Variants in KAZN observed in about 807,000 individuals in gnomAD.
The protein encoded by KAZN is kazrin, periplakin interacting protein, also known as kazrin.
A neutral mutation model predicts 87.4 loss-of-function variants in KAZN; 40 were observed. The observed-to-expected ratio is 0.46, with a 90% CI of 0.36 to 0.60. KAZN has a LOEUF of 0.60. Ranked by LOEUF, KAZN falls within the 20% of genes least tolerant of loss-of-function variation. The pLI is 0.00. For missense variants in KAZN, 898 were observed against 1,073.9 expected (o/e 0.84, Z 2.29); for synonymous variants, 466 against 458.3 (o/e 1.02, Z -0.22).
At chr1:14,587,572 A>G (rs991985343) in intron 2 of KAZN, among the ~76,000 whole-genome samples, 3 of 152,056 alleles carry the variant, frequency 2.0e-5, no homozygotes, top group African/African-American at 7.2e-5. Flanking sequence ...GGGAGCAGGC[A>G]TGTCATATGG....
At chr1:14,841,135 C>T (rs767145375) in intron 1 of KAZN, among the ~76,000 whole-genome samples, 3 of 152,038 alleles carry the variant, frequency 2.0e-5, no homozygotes, top group South Asian at 2.1e-4. Flanking sequence ...GAGCCATAAG[C>T]GGCCGGGTGT....
chr1:14,806,202 C>G (rs1200771102), intron 1 of KAZN, among the ~76,000 whole-genome samples: 1 of 152,162 alleles, frequency 6.6e-6, no homozygotes, highest in African/African-American at 2.4e-5. Flanking sequence ...CAATCTCCCC[C>G]AGGTACTCAG....
At chr1:14,897,737 T>C (rs950123381) in intron 1 of KAZN, among the ~76,000 whole-genome samples, 1 of 152,176 alleles carries the variant, frequency 6.6e-6, no homozygotes, top group South Asian at 2.1e-4. Context: ...AATCTGGCCG[T>C]TGTGATATGT....
chr1:14,412,253 A>G (rs891946291), intron 2 of KAZN, among the ~76,000 whole-genome samples: 4 of 152,250 alleles, frequency 2.6e-5, no homozygotes, highest in Non-Finnish European at 5.9e-5. Context: ...CCCACTGTTT[A>G]AAACACAGAA....
intron 2 of KAZN, among the ~76,000 whole-genome samples, chr1:14,467,944 A>G (rs1208598423): frequency 6.6e-6 from 1 of 152,162 alleles, no homozygotes. Flanking sequence ...CACCTGAGCT[A>G]GTTTCCAGGC....
chr1:14,483,336 GC>G (rs1669182806), intron 2 of KAZN, among the ~76,000 whole-genome samples: 2 of 152,238 alleles, frequency 1.3e-5, no homozygotes, highest in South Asian at 4.2e-4. Context: ...TCAGAGGGGA[GC>G]AAAAACATCA....
chr1:14,482,460 T>A (rs9429235), intron 2 of KAZN, among the ~76,000 whole-genome samples: 50,549 of 152,138 alleles, frequency 0.33, 8,600 homozygotes, highest in East Asian at 0.44. Context: ...TGGGAAGCCA[T>A]CTCTGACCAG....
chr1:14,598,497 T>C (rs1055465234), upstream of KAZN, among the ~76,000 whole-genome samples: 1 of 151,910 alleles, frequency 6.6e-6, no homozygotes, highest in Non-Finnish European at 1.5e-5. The surrounding 1 kb of genome is among the most constrained non-coding windows in gnomAD (Gnocchi z 4.2). Flanking sequence ...CCCCTGCCCC[T>C]CGCCAGGGGC....
intron 7 of KAZN, 139 bp downstream of exon 7, chr1:15,063,761 G>A (rs1389435536): frequency 4.3e-5 from 30 of 690,640 alleles, no homozygotes; most frequent in South Asian, 1.1e-4. Context: ...CTGAGCCCAC[G>A]TCCATACTGC....
chr1:13,943,279 G>A (rs1433907555), intron 1 of KAZN, among the ~76,000 whole-genome samples: 5 of 152,152 alleles, frequency 3.3e-5, no homozygotes, highest in Admixed American at 1.3e-4. Flanking sequence ...AAAGCCAGAA[G>A]ACAATGGAAT....
At chr1:14,822,719 G>A (rs970337241) in intron 1 of KAZN, among the ~76,000 whole-genome samples, 2 of 152,192 alleles carry the variant, frequency 1.3e-5, no homozygotes, top group Non-Finnish European at 2.9e-5. Flanking sequence ...TGGAGGCTCC[G>A]TCGTGTTCCG....
chr1:14,637,129 C>A (rs1357494953), intron 1 of KAZN, among the ~76,000 whole-genome samples: 2 of 152,098 alleles, frequency 1.3e-5, no homozygotes, highest in Non-Finnish European at 2.9e-5. Context: ...TCCCTCCATA[C>A]CTTGGGTGTG....
chr1:14,365,850 A>G (rs1659951309), intron 2 of KAZN, among the ~76,000 whole-genome samples: 1 of 152,330 alleles, frequency 6.6e-6, no homozygotes, highest in Non-Finnish European at 1.5e-5. Flanking sequence ...CTAATACAGC[A>G]GTTAGGTCAT....
At chr1:14,381,106 G>A (rs1417245402) in intron 2 of KAZN, among the ~76,000 whole-genome samples, 1 of 152,084 alleles carries the variant, frequency 6.6e-6, no homozygotes, top group East Asian at 1.9e-4. Flanking sequence ...AGCCACCACT[G>A]GAGCACCCAG....
chr1:15,052,197 A>G lies in KAZN; in HGVS notation c.727-3894A>G, dbSNP rs570744453. On this transcript the variant is annotated intron_variant, in intron 4 of 14. Coordinates refer to ENST00000376030, the MANE Select transcript of KAZN (RefSeq NM_201628.3). Reference sequence around the variant, plus strand: ...GTCTCTTCTCATGCTGCTGATAAAGACATACCCGAGACTGGGTAATTTTTA... The same window carrying G: ...GTCTCTTCTCATGCTGCTGATAAAGGCATACCCGAGACTGGGTAATTTTTA... Among the ~76,000 whole-genome samples, 6 of 152,012 alleles carry G rather than the reference A, an allele frequency of 3.9e-5. No individual in the cohort carries two copies. The South Asian group carries it at 1.2e-3, about 32-fold the overall frequency.
At chr1:14,459,525 G>A (rs903135619) in intron 2 of KAZN, among the ~76,000 whole-genome samples, 2 of 152,244 alleles carry the variant, frequency 1.3e-5, no homozygotes, top group East Asian at 3.9e-4. Context: ...CAATCAATTG[G>A]TATTGGCTGC....
chr1:14,973,313 G>A (rs1345647291), intron 2 of KAZN, among the ~76,000 whole-genome samples: 2 of 152,162 alleles, frequency 1.3e-5, no homozygotes, highest in African/African-American at 4.8e-5. Context: ...TAGGAATAAC[G>A]CTCAAAATCC....
chr1:14,724,027 C>CATT, intron 1 of KAZN, among the ~76,000 whole-genome samples: 1 of 152,152 alleles, frequency 6.6e-6, no homozygotes, highest in Non-Finnish European at 1.5e-5. Flanking sequence ...TTTCTGCATT[C>CATT]GTTGATTTAT....
intron 1 of KAZN, among the ~76,000 whole-genome samples, chr1:13,973,454 G>T (rs189580894): frequency 1.5e-4 from 23 of 152,308 alleles, no homozygotes; most frequent in African/African-American, 5.3e-4. Flanking sequence ...GTCAGAACAC[G>T]TATTTACCTG....
Sources: allele counts gnomAD v4.1 joint callset (sites outside exome capture counted in the v4.1 genomes callset), GRCh38; gene constraint gnomAD v4.1.1; non-coding constraint Gnocchi (gnomAD v3.1); transcripts MANE v1.5; gene names NCBI Gene and HGNC (gene_info 2026-07-23, HGNC 2026-07-21).